The following AGAP1 variants were observed in gnomAD, a reference collection of about 807,000 sequenced individuals.
The protein encoded by AGAP1 is ArfGAP with GTPase domain, ankyrin repeat and PH domain 1.
In AGAP1, 29 loss-of-function variants were observed where a neutral mutation model predicts 105.3. That is an observed-to-expected ratio of 0.28 (90% CI 0.21 to 0.38). The LOEUF (loss-of-function observed/expected upper bound fraction) is 0.38. Among genes scored for constraint, AGAP1 ranks in the 10% least tolerant of loss-of-function variants. AGAP1 has a pLI of 1.00. For missense variants in AGAP1, 998 were observed against 1,165.1 expected (o/e 0.86, Z 2.09); for synonymous variants, 509 against 485.9 (o/e 1.05, Z -0.63).
chr2:235,849,222 C>T (rs1961865893), intron 9 of AGAP1, among the ~76,000 whole-genome samples: 1 of 152,160 alleles, frequency 6.6e-6, no homozygotes, highest in Admixed American at 6.5e-5. Flanking sequence ...TAAAGACCGC[C>T]ATCAAGTTTT....
intron 9 of AGAP1, among the ~76,000 whole-genome samples, chr2:235,807,802 C>G (rs559051275): frequency 6.6e-6 from 1 of 152,184 alleles, no homozygotes; most frequent in Non-Finnish European, 1.5e-5. Flanking sequence ...GCCGGTGTGT[C>G]AGCTGTGCGC....
At chr2:236,059,862 C>T (rs1255712856) in intron 16 of AGAP1, among the ~76,000 whole-genome samples, 6 of 151,848 alleles carry the variant, frequency 4.0e-5, no homozygotes, top group Non-Finnish European at 7.4e-5. Flanking sequence ...GAGGCTGAGG[C>T]GGGTGGACAC....
rs1005245546 is a variant in AGAP1, at chr2:236,035,659, T to C, written c.1646-902T>C. ...CTTCGTGGTTGTATGCAATTAGTTATGCTTTTTGCCAGTGGTGCCTCCTCC... is the reference window on the plus strand; with the variant it reads ...CTTCGTGGTTGTATGCAATTAGTTACGCTTTTTGCCAGTGGTGCCTCCTCC... On this transcript the variant is annotated intron_variant, in intron 13 of 17. Coordinates refer to ENST00000304032, the MANE Select transcript of AGAP1 (RefSeq NM_001037131.3). The surrounding 1 kb of genome is among the most constrained non-coding windows in gnomAD (Gnocchi z 4.2). 1.3e-5 allele frequency among the ~76,000 whole-genome samples: 2 copies of C among 152,190 alleles called. No individual in the cohort carries two copies. Among genetic ancestry groups the C allele is most frequent in the Non-Finnish European group, 2.9e-5 (2 of 68,018 alleles).
chr2:235,827,137 C>T (rs1042608672), intron 9 of AGAP1, among the ~76,000 whole-genome samples: 3 of 152,238 alleles, frequency 2.0e-5, no homozygotes, highest in Non-Finnish European at 4.4e-5. Context: ...TGAGAGGACA[C>T]AGCTGCAACG....
At position 236,053,120 on chromosome 2, in the gene AGAP1, G is replaced by T. The variant is rs2057955729; in HGVS notation, c.2114+3839G>T. ...GGCCGGGGGCCACCAGCCAGGCGGG[G>T]CTCTGGGTTCCAGTGTTAGAGGTAC... On this transcript the variant is annotated intron_variant, in intron 16 of 17. Transcript: ENST00000304032. The surrounding 1 kb of genome is among the most constrained non-coding windows in gnomAD (Gnocchi z 4.6). 6.6e-6 allele frequency among the ~76,000 whole-genome samples: 1 copy of T among 152,228 alleles called. No homozygotes were observed. The highest frequency in any genetic ancestry group is 2.1e-4 in the South Asian group (1 of 4,832).
chr2:236,118,627 G>A (rs2059828979), intron 16 of AGAP1, among the ~76,000 whole-genome samples: 1 of 152,040 alleles, frequency 6.6e-6, no homozygotes, highest in East Asian at 1.9e-4. Flanking sequence ...GACCTCAGGT[G>A]ATCCACCCAC....
intron 11 of AGAP1, among the ~76,000 whole-genome samples, chr2:235,923,676 G>C (rs754467715): frequency 6.6e-6 from 1 of 152,208 alleles, no homozygotes; most frequent in Admixed American, 6.5e-5. Context: ...GCCCGTGTCA[G>C]TAGTTCCTTG....
chr2:236,086,902 A>G (rs1055523347), intron 16 of AGAP1, among the ~76,000 whole-genome samples: 1 of 150,254 alleles, frequency 6.7e-6, no homozygotes, highest in African/African-American at 2.5e-5. Flanking sequence ...TCTGCAAATA[A>G]AATTCCCCGC....
intron 1 of AGAP1, among the ~76,000 whole-genome samples, chr2:235,500,391 A>T (rs1390680913): frequency 1.3e-5 from 2 of 152,286 alleles, no homozygotes; most frequent in African/African-American, 4.8e-5. Flanking sequence ...AGCAGGACGC[A>T]CGAATGTGCC....
intron 1 of AGAP1, among the ~76,000 whole-genome samples, chr2:235,658,975 C>T (rs527322422): frequency 8.2e-4 from 125 of 152,352 alleles, no homozygotes; most frequent in South Asian, 3.9e-3. Flanking sequence ...TCTTTCCTCC[C>T]TTCTGCTCTC....
intron 11 of AGAP1, among the ~76,000 whole-genome samples, chr2:235,913,209 T>C (rs1255230093): frequency 6.6e-6 from 1 of 152,210 alleles, no homozygotes; most frequent in Non-Finnish European, 1.5e-5. Flanking sequence ...TACATATATA[T>C]ACTTCTAAGT....
At chr2:235,999,089 G>C (rs1345840762) in intron 13 of AGAP1, among the ~76,000 whole-genome samples, 1 of 151,342 alleles carries the variant, frequency 6.6e-6, no homozygotes, top group Non-Finnish European at 1.5e-5. Context: ...GTATGGTGGT[G>C]ATGATGGTGA....
In AGAP1 at chr2:235,744,838, G is replaced by C. The variant is rs1344706439; in HGVS notation, c.537G>C (p.Gln179His). Residue 179 changes from glutamine to histidine, a missense_variant and splice_region_variant, in exon 5 of 18, where the codon CAG becomes CAC. By Grantham distance (24) the Gln-to-His change is conservative (BLOSUM62 0). Transcript: ENST00000304032. This position sits in a 1 kb window ranked among gnomAD's most constrained non-coding sequence, Gnocchi z 5.2. The stretch of plus-strand genomic sequence containing the variant: ...TTCCTCTGGTTCTGGTGGGAACCCA[G>C]GGTGAGTGATGTTCGTGTGCAGATT... ...SEIPLVLVGT[Q>H]DAISSANPRV... 6.2e-7 allele frequency: 1 copy of C among 1,614,054 alleles called. No homozygotes were observed. The highest frequency in any genetic ancestry group is 1.7e-5 in the Admixed American group (1 of 60,026).
At chr2:235,853,268 T>C (rs1316532438) in intron 9 of AGAP1, 1 of 970,606 alleles carries the variant, frequency 1.0e-6, no homozygotes, top group African/African-American at 1.7e-5. Context: ...TGGCTCCCCC[T>C]ACTCTGCTTC....
intron 9 of AGAP1, chr2:235,852,759 C>T (rs1260470375): frequency 1.3e-6 from 2 of 1,536,758 alleles, no homozygotes; most frequent in East Asian, 2.5e-5. Context: ...GCCCGTCAGT[C>T]CTCCCCCTGG....
chr2:235,885,204 T>C (rs1235184811), intron 10 of AGAP1, among the ~76,000 whole-genome samples: 7 of 152,236 alleles, frequency 4.6e-5, no homozygotes. Flanking sequence ...CACAAGCACA[T>C]GGTCACTGTG....
At chr2:235,711,232 C>A (rs1182709245) in intron 2 of AGAP1, among the ~76,000 whole-genome samples, 2 of 152,368 alleles carry the variant, frequency 1.3e-5, no homozygotes, top group East Asian at 1.9e-4. Context: ...GATTCTAGTT[C>A]ATTTAAATTG....
chr2:235,903,764 A>G (rs2051170666), intron 10 of AGAP1, among the ~76,000 whole-genome samples: 2 of 152,010 alleles, frequency 1.3e-5, no homozygotes, highest in African/African-American at 2.4e-5. Context: ...GTAGCCTAAT[A>G]CGGTATTTTG....
At chr2:236,079,834 T>G (rs934400449) in intron 16 of AGAP1, among the ~76,000 whole-genome samples, 1 of 152,176 alleles carries the variant, frequency 6.6e-6, no homozygotes, top group African/African-American at 2.4e-5. Flanking sequence ...TGCTGAAGAC[T>G]AACACTCAAG....
Sources: gnomAD v4.1 joint callset for allele counts (sites outside exome capture counted in the v4.1 genomes callset) on GRCh38, gnomAD v4.1.1 for gene constraint, Gnocchi (gnomAD v3.1) non-coding constraint, MANE v1.5 for transcripts, NCBI Gene and HGNC (gene_info 2026-07-23, HGNC 2026-07-21) for gene names.